The following ACSL5 variants were observed in gnomAD, a reference collection of about 807,000 sequenced individuals.
ACSL5 encodes long-chain-fatty-acid--CoA ligase 5.
Under a neutral mutation model 84.9 loss-of-function variants are expected in ACSL5, and 50 were observed. That is an observed-to-expected ratio of 0.59 (90% CI 0.47 to 0.75). The LOEUF (loss-of-function observed/expected upper bound fraction) is 0.75, where lower values mean the gene tolerates loss of function less well. Ranked by LOEUF, ACSL5 falls within the 30% of genes least tolerant of loss-of-function variation. The pLI is 0.00. For synonymous variants in ACSL5, 280 were observed against 300.7 expected, an observed-to-expected ratio of 0.93 and a Z score of 0.71; for missense variants, 775 against 830.4, an observed-to-expected ratio of 0.93 and a Z score of 0.82.
chr10:112,415,222 C>T (rs573938010), intron 12 of ACSL5, among the ~76,000 whole-genome samples: 5 of 151,960 alleles, frequency 3.3e-5, no homozygotes, highest in South Asian at 2.1e-4. Context: ...GTTTTTGAGA[C>T]GGAGTCTCGC....
chr10:112,422,258 C>A, intron 16 of ACSL5, 67 bp from the exon 17 acceptor site: 1 of 1,386,468 alleles, frequency 7.2e-7, no homozygotes, highest in Non-Finnish European at 1.0e-6. Flanking sequence ...GCAGGTGTTT[C>A]ATAAACTGCC....
intron 1 of ACSL5, among the ~76,000 whole-genome samples, chr10:112,386,042 GTTTAT>G (rs1287109641): frequency 4.6e-5 from 7 of 151,964 alleles, no homozygotes; most frequent in Non-Finnish European, 7.4e-5. Context: ...GTCTCAGTAC[GTTTAT>G]TTTAAGTGAA....
At chr10:112,418,520 T>C (rs1443646135) in intron 14 of ACSL5, among the ~76,000 whole-genome samples, 2 of 151,932 alleles carry the variant, frequency 1.3e-5, no homozygotes, top group Non-Finnish European at 2.9e-5. Flanking sequence ...AGGTGGAGCT[T>C]GCAGTGAGCT....
rs769134957 is a variant in ACSL5, at chr10:112,422,346, G to A, written c.1498G>A (p.Val500Met). ...EGEVCIKGTN[V>M]FKGYLKDPEK... is the part of the protein sequence containing the mutation. ...GCAGGTCTGCATCAAGGGTACAAAC[G>A]TGTTCAAAGGATACCTGAAGGACCC... Residue 500 changes from valine (V) to methionine (M), a missense_variant, in exon 17 of 21, where the codon GTG becomes ATG. Val to Met is a conservative substitution (Grantham distance 21). Transcript: ENST00000354655. 58 of 1,614,004 alleles carry A rather than the reference G, an allele frequency of 3.6e-5. No individual in the cohort carries two copies. Among genetic ancestry groups the A allele is most frequent in the Non-Finnish European group, 4.8e-5 (57 of 1,180,016 alleles).
rs543867881 is a variant in ACSL5 at position 112,374,175 on chromosome 10, A to T, written c.-124A>T. 2 of 152,254 alleles carry T rather than the reference A, an allele frequency of 1.3e-5. No homozygotes were observed. Among genetic ancestry groups the T allele is most frequent in the South Asian group, 4.1e-4 (2 of 4,822 alleles). The allele number at this position is 152,254 out of a possible 1,614,324, so 9.4% of individuals were successfully genotyped here. Reference sequence around the variant, plus strand: ...TCCCAGTCAGTCCTAGGAGCTGTGGAAAGAGTAGAAGTGCCTGAATGTGGT... The same window carrying T: ...TCCCAGTCAGTCCTAGGAGCTGTGGTAAGAGTAGAAGTGCCTGAATGTGGT... On this transcript the variant is annotated 5_prime_UTR_variant, in exon 1 of 21. Coordinates refer to ENST00000354655, the MANE Select transcript of ACSL5 (RefSeq NM_203379.2).
chr10:112,397,783 T>C (rs905543744), intron 2 of ACSL5, among the ~76,000 whole-genome samples: 2 of 152,336 alleles, frequency 1.3e-5, no homozygotes, highest in South Asian at 4.1e-4. Flanking sequence ...TTTTTCCTTA[T>C]GACCTACCCA....
chr10:112,411,615 CACACACACACAT>C (rs1211647634), intron 10 of ACSL5, 86 bp downstream of exon 10: 13 of 1,160,122 alleles, frequency 1.1e-5, no homozygotes, highest in African/African-American at 6.1e-5. Flanking sequence ...CAGGCAGACA[CACACACACACAT>C]ACACACACAC....
rs183279009 is a variant in ACSL5, at chr10:112,407,217, T to A, written c.433-1205T>A. Reference sequence around the variant, plus strand: ...TACAATTCAAGTTGAGATTTTATTTTATTTATTTATTTATTTATTTTTTGT... The same window carrying A: ...TACAATTCAAGTTGAGATTTTATTTAATTTATTTATTTATTTATTTTTTGT... On this transcript the variant is annotated intron_variant, in intron 5 of 20. Coordinates refer to ENST00000354655, the MANE Select transcript of ACSL5 (RefSeq NM_203379.2). 2.3e-3 allele frequency among the ~76,000 whole-genome samples: 353 copies of A among 152,030 alleles called. 2 individuals carry two copies. The highest frequency in any genetic ancestry group is 4.3e-3 in the Non-Finnish European group (294 of 67,990).
intron 3 of ACSL5, among the ~76,000 whole-genome samples, chr10:112,399,799 A>G (rs1413291515): frequency 6.6e-6 from 1 of 152,212 alleles, no homozygotes; most frequent in African/African-American, 2.4e-5. Flanking sequence ...TACTGCACAT[A>G]TATTACTTCA....
At chr10:112,416,075 G>T (rs1361059495) in intron 12 of ACSL5, among the ~76,000 whole-genome samples, 1 of 152,144 alleles carries the variant, frequency 6.6e-6, no homozygotes, top group Non-Finnish European at 1.5e-5. Context: ...GTATGGTGTG[G>T]CTAAAGACAC....
rs1369943829 is a variant in ACSL5 at position 112,378,231 on chromosome 10, T to C, written c.-30+3962T>C. ...CAAGACAATCTTCTTCTTCTTGTTT[T>C]TTTTTTTTTTTTTTTTTTTTTTTTT... On this transcript the variant is annotated intron_variant, in intron 1 of 20. Transcript: ENST00000354655. Among the ~76,000 whole-genome samples the C allele has an allele frequency of 1.2e-4, 5 of 42,168 alleles. 1 individual carries two copies. Among genetic ancestry groups the C allele is most frequent in the East Asian group, 7.9e-4 (1 of 1,272 alleles). 27.7% of individuals were successfully genotyped at this position (42,168 alleles called of 152,430 possible). A position where few individuals can be genotyped will look rare whatever the true frequency, so the allele number is the denominator to read the frequency against.
chr10:112,395,606 G>A (rs989993513), intron 2 of ACSL5, among the ~76,000 whole-genome samples: 1 of 152,114 alleles, frequency 6.6e-6, no homozygotes, highest in African/African-American at 2.4e-5. Flanking sequence ...TCTAGTTTGA[G>A]TTAAATTTAT....
At chr10:112,423,049 G>T (rs899345749) in intron 17 of ACSL5, among the ~76,000 whole-genome samples, 1 of 140,114 alleles carries the variant, frequency 7.1e-6, no homozygotes, top group Non-Finnish European at 1.5e-5. Context: ...TTAGCTGGGC[G>T]TGGTGGTGGG....
rs1383476593 is a variant in ACSL5, at chr10:112,410,488, A to G, written c.737A>G (p.Lys246Arg). 9.9e-6 allele frequency: 16 copies of G among 1,614,164 alleles called. No individual in the cohort carries two copies. The highest frequency in any genetic ancestry group is 1.4e-5 in the Non-Finnish European group (16 of 1,180,008). Residue 246 changes from lysine to arginine, a missense_variant, in exon 8 of 21, where the codon AAA becomes AGA. Physicochemically the swap from Lys to Arg is conservative, Grantham distance 26. Coordinates refer to ENST00000354655, the MANE Select transcript of ACSL5 (RefSeq NM_203379.2). ...AENLGKEHFR[K>R]PVPPSPEDLS... is the part of the protein sequence containing the mutation. ...AACCTAGGCAAAGAGCACTTCAGAAAACCTGTGGTAAGTTTTCTTCTGCCT... is the reference window on the plus strand; with the variant it reads ...AACCTAGGCAAAGAGCACTTCAGAAGACCTGTGGTAAGTTTTCTTCTGCCT...
At chr10:112,411,753 G>C (rs1216370641) in intron 10 of ACSL5, 149 bp from the exon 11 acceptor site, 2 of 626,230 alleles carry the variant, frequency 3.2e-6, no homozygotes, top group East Asian at 6.3e-5. Context: ...TACACTATAT[G>C]CAGTTCAAGG....
intron 1 of ACSL5, among the ~76,000 whole-genome samples, chr10:112,392,824 A>G (rs1186715850): frequency 6.6e-6 from 1 of 151,646 alleles, no homozygotes; most frequent in East Asian, 1.9e-4. Context: ...CTGAGGTGGG[A>G]GGTTCACTTG....
At chr10:112,394,364 A>G (rs1314381460) in intron 1 of ACSL5, among the ~76,000 whole-genome samples, 1 of 152,264 alleles carries the variant, frequency 6.6e-6, no homozygotes, top group Non-Finnish European at 1.5e-5. Flanking sequence ...CCGATGCTCC[A>G]AAAAATAAAG....
At chr10:112,378,633 C>G (rs1392011111) in intron 1 of ACSL5, among the ~76,000 whole-genome samples, 1 of 152,148 alleles carries the variant, frequency 6.6e-6, no homozygotes, top group Non-Finnish European at 1.5e-5. Context: ...GATGAGCAGA[C>G]CCTCAGCTGG....
At position 112,413,251 on chromosome 10, in the gene ACSL5, T is replaced by G; in HGVS notation, c.1027T>G (p.Leu343Val). Residue 343 changes from leucine to valine, a missense_variant, in exon 12 of 21, where the codon TTG becomes GTG. Leu to Val is a conservative substitution (Grantham distance 32). Transcript: ENST00000354655. ...GTTGCTGGCTGACGACATGAAGACT[T>G]TGAAGCCCACATTGTTTCCCGCGGT... Reference protein sequence around the residue: ...IRLLADDMKTLKPTLFPAVPR... With the variant: ...IRLLADDMKTVKPTLFPAVPR... The G allele has an allele frequency of 3.7e-6, 6 of 1,614,212 alleles. No homozygotes were observed. Among genetic ancestry groups the G allele is most frequent in the Middle Eastern group, 1.6e-4 (1 of 6,062 alleles).
Sources: gnomAD v4.1 joint callset for allele counts (sites outside exome capture counted in the v4.1 genomes callset) on GRCh38, gnomAD v4.1.1 for gene constraint, MANE v1.5 for transcripts, NCBI Gene and HGNC (gene_info 2026-07-23, HGNC 2026-07-21) for gene names.